Variants in CNTN5 observed in about 807,000 individuals in gnomAD.
CNTN5 encodes contactin-5.
A neutral mutation model predicts 129.1 loss-of-function variants in CNTN5; 77 were observed. That is an observed-to-expected ratio of 0.60 (90% CI 0.50 to 0.72). CNTN5 has a LOEUF of 0.72. Ranked by LOEUF, CNTN5 falls within the 30% of genes least tolerant of loss-of-function variation. The pLI is 0.00. For missense variants in CNTN5, 1,478 were observed against 1,328.8 expected (o/e 1.11, Z -1.75); for synonymous variants, 509 against 465.6 (o/e 1.09, Z -1.20).
intron 1 of CNTN5, among the ~76,000 whole-genome samples, chr11:99,087,908 G>A (rs1410763359): frequency 1.3e-5 from 2 of 152,156 alleles, no homozygotes; most frequent in African/African-American, 2.4e-5. Flanking sequence ...TGGCCACAGA[G>A]TCCCATGGTC....
At chr11:100,219,359 A>G (rs1255731313) in intron 15 of CNTN5, among the ~76,000 whole-genome samples, 1 of 152,224 alleles carries the variant, frequency 6.6e-6, no homozygotes, top group Non-Finnish European at 1.5e-5. Context: ...AGGTAACACA[A>G]ACTTTTGCCA....
At chr11:100,200,001 C>A (rs1474592027) in intron 15 of CNTN5, among the ~76,000 whole-genome samples, 2 of 151,976 alleles carry the variant, frequency 1.3e-5, no homozygotes, top group African/African-American at 4.8e-5. Flanking sequence ...TTAAATACTG[C>A]ATAAAATTCT....
chr11:99,466,356 C>A (rs1266346340), intron 2 of CNTN5, among the ~76,000 whole-genome samples: 2 of 152,158 alleles, frequency 1.3e-5, no homozygotes, highest in African/African-American at 4.8e-5. Flanking sequence ...CAAACCATAT[C>A]ATGTACCATT....
chr11:99,427,502 C>T (rs1472250372), intron 2 of CNTN5, among the ~76,000 whole-genome samples: 1 of 152,076 alleles, frequency 6.6e-6, no homozygotes, highest in Non-Finnish European at 1.5e-5. Flanking sequence ...CGCGGTGGCT[C>T]ACGCCTGTTA....
At chr11:99,691,985 C>A (rs555915209) in intron 3 of CNTN5, among the ~76,000 whole-genome samples, 4 of 152,082 alleles carry the variant, frequency 2.6e-5, no homozygotes, top group Non-Finnish European at 5.9e-5. Flanking sequence ...GAACCCTTTA[C>A]CATTTGTAAT....
intron 6 of CNTN5, among the ~76,000 whole-genome samples, chr11:99,888,143 T>C (rs565690875): frequency 2.0e-5 from 3 of 152,254 alleles, no homozygotes; most frequent in South Asian, 2.1e-4. Flanking sequence ...CTGGCACATA[T>C]TTATGCTCAT....
chr11:99,305,607 C>G (rs1318922378), intron 1 of CNTN5, among the ~76,000 whole-genome samples: 1 of 152,064 alleles, frequency 6.6e-6, no homozygotes, highest in Non-Finnish European at 1.5e-5. Context: ...CAATCCACAG[C>G]AATGTTAGTG....
At chr11:99,217,612 T>G (rs1224496877) in intron 1 of CNTN5, among the ~76,000 whole-genome samples, 2 of 152,162 alleles carry the variant, frequency 1.3e-5, no homozygotes, top group Non-Finnish European at 2.9e-5. Flanking sequence ...AGACAAGTCT[T>G]TCCCACTTAA....
chr11:100,123,430 A>G (rs1454195242), intron 13 of CNTN5, among the ~76,000 whole-genome samples: 18 of 152,064 alleles, frequency 1.2e-4, no homozygotes, highest in Admixed American at 1.2e-3. Context: ...GGTGAGTTGT[A>G]TGCTAATCAC....
chr11:99,261,246 C>T (rs947340885), intron 1 of CNTN5, among the ~76,000 whole-genome samples: 5 of 151,782 alleles, frequency 3.3e-5, no homozygotes, highest in African/African-American at 1.2e-4. Context: ...AAAATTGAAT[C>T]GTAGAGTTAA....
chr11:99,340,507 A>T (rs1455206611), intron 2 of CNTN5, among the ~76,000 whole-genome samples: 1 of 152,238 alleles, frequency 6.6e-6, no homozygotes, highest in East Asian at 1.9e-4. Context: ...GATGTAGATT[A>T]TAAAGACTTA....
intron 7 of CNTN5, 79 bp from the exon 8 acceptor site, chr11:99,956,727 T>G (rs558050157): frequency 1.9e-6 from 2 of 1,032,104 alleles, no homozygotes; most frequent in Non-Finnish European, 3.0e-6. Flanking sequence ...TAATGCTTTC[T>G]AAAGGCTTTG....
At chr11:99,964,264 T>G (rs949176436) in intron 8 of CNTN5, among the ~76,000 whole-genome samples, 2 of 152,208 alleles carry the variant, frequency 1.3e-5, no homozygotes, top group Admixed American at 6.5e-5. Context: ...TGCTTCCAGT[T>G]TTTGCCCATT....
At chr11:99,253,728 TGGG>T in intron 1 of CNTN5, among the ~76,000 whole-genome samples, 2 of 151,684 alleles carry the variant, frequency 1.3e-5, no homozygotes, top group Non-Finnish European at 2.9e-5. Context: ...ATACATATAA[TGGG>T]TATTTTTATA....
At chr11:99,488,945 T>A (rs1207419951) in intron 2 of CNTN5, among the ~76,000 whole-genome samples, 2 of 152,160 alleles carry the variant, frequency 1.3e-5, no homozygotes, top group Admixed American at 6.5e-5. Flanking sequence ...AGTATTAGAC[T>A]ACTATTTTTG....
In CNTN5 at chr11:100,297,641, C is replaced by T. The variant is rs760577034; in HGVS notation, c.2331C>T (p.Pro777=). ...TATCCACAGTTCCGAAGACAGCACC[C>T]ACCAATGTAAGCGGAAGAAGTGGAA... The part of the protein sequence containing the change: ...RTNEAVPKTA[P]TNVSGRSGRR... The change falls in exon 19 of 25, where the codon CCC becomes CCT. Residue 777 remains proline (P), a synonymous_variant. Transcript: ENST00000524871. 1 of 1,606,626 alleles carries T rather than the reference C, an allele frequency of 6.2e-7. No homozygotes were observed. The highest frequency in any genetic ancestry group is 8.5e-7 in the Non-Finnish European group (1 of 1,175,616).
At chr11:99,850,449 A>G (rs1174352432) in intron 6 of CNTN5, among the ~76,000 whole-genome samples, 3 of 152,146 alleles carry the variant, frequency 2.0e-5, no homozygotes, top group African/African-American at 7.2e-5. Context: ...AATTATATAT[A>G]GCATTTGGAA....
intron 18 of CNTN5, among the ~76,000 whole-genome samples, chr11:100,290,417 C>A (rs1417073568): frequency 6.0e-5 from 9 of 149,050 alleles, no homozygotes; most frequent in Admixed American, 5.3e-4. Context: ...AGATATAGAT[C>A]AATGGAACAG....
At chr11:99,353,349 T>G (rs7117017) in intron 2 of CNTN5, among the ~76,000 whole-genome samples, 151,851 of 152,266 alleles carry the variant, frequency 1, 75,722 homozygotes, top group Middle Eastern at 1. Flanking sequence ...CAAAATTTTT[T>G]CAAAATAGAA....
Sources: gnomAD v4.1 joint callset for allele counts (sites outside exome capture counted in the v4.1 genomes callset) on GRCh38, gnomAD v4.1.1 for gene constraint, MANE v1.5 for transcripts, NCBI Gene and HGNC (gene_info 2026-07-23, HGNC 2026-07-21) for gene names.